Variants in SBF2 observed in about 807,000 individuals in gnomAD.
The protein encoded by SBF2 is myotubularin-related protein 13.
In SBF2, 112 loss-of-function variants were observed where a neutral mutation model predicts 225.2. The ratio of observed to expected loss-of-function variants is 0.50; its 90% CI spans 0.43 to 0.58. The LOEUF (loss-of-function observed/expected upper bound fraction) is 0.58. Ranked by LOEUF, SBF2 falls within the 20% of genes least tolerant of loss-of-function variation. The pLI is 0.00. For synonymous variants in SBF2, 763 were observed against 773.3 expected (o/e 0.99, Z 0.22); for missense variants, 1,996 against 2,206.2 (o/e 0.90, Z 1.91).
In SBF2 at chr11:10,116,148, G is replaced by A. The variant is rs182994642; in HGVS notation, c.142-73167C>T. On this transcript the variant is annotated intron_variant, in intron 2 of 39. Transcript: ENST00000256190. ...CACGCCACTGCACTCCAGCCTGGGCGACAGAGCGAGACTCCCTCTCAAAAA... is the reference window on the plus strand; with the variant it reads ...CACGCCACTGCACTCCAGCCTGGGCAACAGAGCGAGACTCCCTCTCAAAAA... Among the ~76,000 whole-genome samples the A allele has an allele frequency of 1.1e-3, 161 of 152,224 alleles. 1 individual carries two copies. The highest frequency in any genetic ancestry group is 3.6e-3 in the African/African-American group (148 of 41,538).
intron 2 of SBF2, among the ~76,000 whole-genome samples, chr11:10,174,866 TAAAG>T (rs1182112181): frequency 1.3e-5 from 2 of 150,880 alleles, no homozygotes; most frequent in African/African-American, 4.9e-5. Flanking sequence ...TCAACATTCT[TAAAG>T]AAAAGAATTT....
intron 6 of SBF2, among the ~76,000 whole-genome samples, chr11:10,005,588 T>C (rs1271497162): frequency 6.6e-6 from 1 of 152,180 alleles, no homozygotes; most frequent in African/African-American, 2.4e-5. Flanking sequence ...CTCTGCCTTA[T>C]GCTCCTTGGT....
chr11:9,922,204 C>T (rs11602515), intron 16 of SBF2, among the ~76,000 whole-genome samples: 30,541 of 151,826 alleles, frequency 0.2, 3,838 homozygotes, highest in Non-Finnish European at 0.29. Context: ...GAGCCACGAT[C>T]ATGACACGGT....
At chr11:10,082,560 G>A (rs963121364) in intron 2 of SBF2, among the ~76,000 whole-genome samples, 4 of 151,934 alleles carry the variant, frequency 2.6e-5, no homozygotes, top group East Asian at 3.9e-4. Flanking sequence ...TTTTATTCCC[G>A]GGATGCAAAA....
At chr11:10,297,516 G>C (rs1189411004), upstream of SBF2, among the ~76,000 whole-genome samples, 1 of 152,130 alleles carries the variant, frequency 6.6e-6, no homozygotes, top group Non-Finnish European at 1.5e-5. Context: ...CATAGTTTTA[G>C]CTCTTTAGTA....
chr11:9,831,320 C>A (rs1214399220), intron 27 of SBF2, among the ~76,000 whole-genome samples: 2 of 152,182 alleles, frequency 1.3e-5, no homozygotes, highest in African/African-American at 4.8e-5. Context: ...TCTAACATAC[C>A]CACCAGGTGG....
chr11:10,072,733 TC>T (rs67765340), intron 2 of SBF2, among the ~76,000 whole-genome samples: 8,309 of 130,746 alleles, frequency 0.064, 301 homozygotes, highest in East Asian at 0.25. Context: ...TTTTTTTTTT[TC>T]TTTTTTTTTT....
intron 2 of SBF2, among the ~76,000 whole-genome samples, chr11:10,169,054 T>G (rs1454669989): frequency 2.6e-5 from 4 of 152,192 alleles, no homozygotes; most frequent in Non-Finnish European, 5.9e-5. Flanking sequence ...TTTGAATTTT[T>G]AATTTTTATG....
intron 2 of SBF2, among the ~76,000 whole-genome samples, chr11:10,135,836 C>T (rs2135117338): frequency 6.6e-6 from 1 of 152,314 alleles, no homozygotes; most frequent in South Asian, 2.1e-4. Context: ...GCCTTCCAAA[C>T]TGTTCCAACC....
intron 1 of SBF2, among the ~76,000 whole-genome samples, chr11:10,292,167 G>C (rs1964199212): frequency 6.6e-6 from 1 of 152,192 alleles, no homozygotes; most frequent in Non-Finnish European, 1.5e-5. Context: ...AACAAAACTT[G>C]AACCAGTCTG....
chr11:10,021,757 C>T (rs1418077767), intron 6 of SBF2, among the ~76,000 whole-genome samples: 2 of 152,162 alleles, frequency 1.3e-5, no homozygotes, highest in Admixed American at 1.3e-4. Context: ...ACCACCACTA[C>T]CCCCAACCCA....
chr11:10,065,076 TCTC>T (rs58991141), intron 2 of SBF2, among the ~76,000 whole-genome samples: 2,200 of 152,266 alleles, frequency 0.014, 38 homozygotes, highest in African/African-American at 0.037. Flanking sequence ...TAAAATATGT[TCTC>T]ATGTCAAAGG....
chr11:9,905,956 G>T (rs1161816871), intron 16 of SBF2, among the ~76,000 whole-genome samples: 2 of 152,108 alleles, frequency 1.3e-5, no homozygotes, highest in African/African-American at 4.8e-5. Flanking sequence ...AATACAGTCA[G>T]GCCATGTAGG....
chr11:9,923,770 A>G (rs980046992), intron 16 of SBF2, among the ~76,000 whole-genome samples: 3 of 152,228 alleles, frequency 2.0e-5, no homozygotes, highest in Middle Eastern at 3.4e-3. Context: ...TTACCCTTTT[A>G]AAAAAAGAAT....
At chr11:9,787,402 C>T (rs956047834) in intron 36 of SBF2, among the ~76,000 whole-genome samples, 1 of 152,124 alleles carries the variant, frequency 6.6e-6, no homozygotes, top group Admixed American at 6.5e-5. Flanking sequence ...TCCTTGGATT[C>T]GGGGTGCTGA....
chr11:9,883,419 C>T (rs1859991624), intron 17 of SBF2, among the ~76,000 whole-genome samples: 2 of 152,020 alleles, frequency 1.3e-5, no homozygotes, highest in South Asian at 2.1e-4. Flanking sequence ...GCTCTGTCCC[C>T]CAAAACAACC....
chr11:9,990,627 A>G (rs901148443), intron 12 of SBF2, among the ~76,000 whole-genome samples: 4 of 152,208 alleles, frequency 2.6e-5, no homozygotes, highest in African/African-American at 7.2e-5. Context: ...TAAGACACCC[A>G]AAGTCACCAC....
intron 2 of SBF2, among the ~76,000 whole-genome samples, chr11:10,101,659 C>CTGTGTGTG (rs144213559): frequency 0.012 from 1,736 of 148,134 alleles, 22 homozygotes; most frequent in East Asian, 0.086. Flanking sequence ...CTCTCTCGCT[C>CTGTGTGTG]TGTGTGTGTG....
At chr11:9,811,517 C>T (rs1310464096) in intron 30 of SBF2, among the ~76,000 whole-genome samples, 5 of 152,186 alleles carry the variant, frequency 3.3e-5, no homozygotes, top group South Asian at 2.1e-4. Context: ...TGGAGGGGTC[C>T]GTTTGGAGCT....
Sources: gnomAD v4.1 joint callset for allele counts (sites outside exome capture counted in the v4.1 genomes callset) on GRCh38, gnomAD v4.1.1 for gene constraint, MANE v1.5 for transcripts, NCBI Gene and HGNC (gene_info 2026-07-23, HGNC 2026-07-21) for gene names.